BRPF3: variants seen among roughly 807,000 people sequenced by gnomAD.
The protein encoded by BRPF3 is bromodomain and PHD finger containing 3, also known as bromodomain and PHD finger-containing protein 3.
A neutral mutation model predicts 102.0 loss-of-function variants in BRPF3; 18 were observed. The observed-to-expected ratio is 0.18, with a 90% CI of 0.12 to 0.26. BRPF3 has a LOEUF of 0.26. Ranked by LOEUF, BRPF3 falls within the 10% of genes least tolerant of loss-of-function variation. The pLI, the probability that BRPF3 is intolerant of heterozygous loss-of-function variation, is 1.00. For synonymous variants in BRPF3, 570 were observed against 614.2 expected (o/e 0.93, Z 1.06); for missense variants, 1,147 against 1,567.8 (o/e 0.73, Z 4.53).
rs1388935385 is a variant in BRPF3, at chr6:36,201,717, A to G, written c.1395A>G (p.Gln465=). The G allele has an allele frequency of 3.1e-6, 5 of 1,613,672 alleles. No individual in the cohort carries two copies. The highest frequency in any genetic ancestry group is 4.2e-6 in the Non-Finnish European group (5 of 1,179,814). Residue 465 remains glutamine (Q), a synonymous_variant, in exon 2 of 13, where the codon CAA becomes CAG. Transcript: ENST00000357641. This position sits in a 1 kb window ranked among gnomAD's most constrained non-coding sequence, Gnocchi z 5.1. ...AGAAGGAGCCAGAGGAAGCAGGCCA[A>G]GACACACCCTCCACTCTCCCCATGC... is the stretch of plus-strand genomic sequence containing the variant. The part of the protein sequence containing the change: ...KIKKEPEEAG[Q]DTPSTLPMLA...
At position 36,213,986 on chromosome 6, in the gene BRPF3, T is replaced by C. The variant is rs970882572; in HGVS notation, c.2589T>C (p.Asn863=). Residue 863 remains asparagine, a synonymous_variant, in exon 8 of 13, where the codon AAT becomes AAC. Transcript: ENST00000357641. The part of the protein sequence containing the change: ...PPEPPTLKPI[N]DSKPPSRFLK... ...AGCCCCCTACTCTGAAACCCATTAA[T>C]GATAGCAAACCTCCAAGCAGGTTCC... 3 of 1,613,802 alleles carry C rather than the reference T, an allele frequency of 1.9e-6. No homozygotes were observed. In the African/African-American group the frequency reaches 4.0e-5, roughly 22 times the overall value.
chr6:36,224,785 G>GGTAAACTATGGCCT (rs1330576054), intron 10 of BRPF3, among the ~76,000 whole-genome samples: 2 of 152,118 alleles, frequency 1.3e-5, no homozygotes, highest in African/African-American at 4.8e-5. Flanking sequence ...TTCAGAGGTC[G>GGTAAACTATGGCCT]GTAAACTATG....
At chr6:36,226,895 CCAGCGGTGAAACCG>C (rs1411309247) in intron 11 of BRPF3, among the ~76,000 whole-genome samples, 1 of 152,238 alleles carries the variant, frequency 6.6e-6, no homozygotes, top group Non-Finnish European at 1.5e-5. Context: ...CTCTGCCCTG[CCAGCGGTGAAACCG>C]CAGGACTCCC....
rs1299739034 is a variant in BRPF3 at position 36,230,371 on chromosome 6, C to T, written c.3435-55C>T. On this transcript the variant is annotated intron_variant, in intron 12 of 12. Coordinates refer to ENST00000357641, the MANE Select transcript of BRPF3 (RefSeq NM_015695.3). This position sits in a 1 kb window ranked among gnomAD's most constrained non-coding sequence, Gnocchi z 5.4. ...CTGGCCAAGTGGGGCCACAGGAGCC[C>T]GAGCCCCCTGTGAGACCCACTACTG... The T allele has an allele frequency of 3.2e-5, 50 of 1,566,342 alleles. No individual in the cohort carries two copies. Among genetic ancestry groups the T allele is most frequent in the Non-Finnish European group, 3.8e-5 (43 of 1,144,642 alleles).
rs770218369 is a variant in BRPF3, at chr6:36,200,748, G to A, written c.426G>A (p.Glu142=). Residue 142 remains glutamate (E), a synonymous_variant, in exon 2 of 13, where the codon GAG becomes GAA. Transcript: ENST00000357641. The surrounding 1 kb of genome is among the most constrained non-coding windows in gnomAD (Gnocchi z 5.3). ...PLPAAYYRYI[E]KPPEDLDAEV... The stretch of plus-strand genomic sequence containing the variant: ...CTGCTGCCTACTACCGCTACATTGA[G>A]AAGCCACCTGAAGACCTGGATGCAG... 1.9e-6 allele frequency: 3 copies of A among 1,614,190 alleles called. No individual in the cohort carries two copies. The highest frequency in any genetic ancestry group is 2.2e-5 in the South Asian group (2 of 91,092).
At chr6:36,212,648 G>C (rs1291936072) in intron 7 of BRPF3, among the ~76,000 whole-genome samples, 1 of 151,924 alleles carries the variant, frequency 6.6e-6, no homozygotes, top group Non-Finnish European at 1.5e-5. Flanking sequence ...CTTTGGCTTG[G>C]AAGTCTCAAT....
At chr6:36,212,974 A>AT (rs1037889947) in intron 7 of BRPF3, among the ~76,000 whole-genome samples, 2 of 152,048 alleles carry the variant, frequency 1.3e-5, no homozygotes, top group African/African-American at 4.8e-5. Context: ...AAAAAAAAAA[A>AT]GTTTCAAGGT....
At position 36,228,534 on chromosome 6, in the gene BRPF3, G is replaced by A. The variant is rs534868001; in HGVS notation, c.3280-368G>A. Among the ~76,000 whole-genome samples, 35 of 152,290 alleles carry A rather than the reference G, an allele frequency of 2.3e-4. 1 individual carries two copies. The highest frequency in any genetic ancestry group is 2.2e-3 in the Admixed American group (34 of 15,306). On this transcript the variant is annotated intron_variant, in intron 11 of 12. Transcript: ENST00000357641. ...GGTGTCACAAATATATCTGGTCCAT[G>A]TATCAGGAAGGATTGTAGTCAGACA...
At position 36,200,628 on chromosome 6, in the gene BRPF3, C is replaced by G; in HGVS notation, c.306C>G (p.Ser102=). Residue 102 remains serine, a synonymous_variant, in exon 2 of 13, where the codon TCC becomes TCG. Transcript: ENST00000357641. This position sits in a 1 kb window ranked among gnomAD's most constrained non-coding sequence, Gnocchi z 5.3. ...KPSSKGKKKE[S]CSKHASGTSF... ...CATCCAAGGGCAAAAAGAAGGAATC[C>G]TGCTCCAAGCATGCATCTGGTACTT... 3.1e-6 allele frequency: 5 copies of G among 1,614,174 alleles called. No homozygotes were observed. The highest frequency in any genetic ancestry group is 4.2e-6 in the Non-Finnish European group (5 of 1,180,020).
chr6:36,224,922 G>T (rs908991579), intron 10 of BRPF3, among the ~76,000 whole-genome samples: 1 of 152,208 alleles, frequency 6.6e-6, no homozygotes, highest in East Asian at 1.9e-4. Context: ...TCAAATTTCA[G>T]TGTCCAAAAA....
chr6:36,212,136 TG>T (rs1490798672), intron 7 of BRPF3, among the ~76,000 whole-genome samples: 1 of 152,104 alleles, frequency 6.6e-6, no homozygotes, highest in East Asian at 1.9e-4. Context: ...CAGTTTTTCT[TG>T]ATCTTGAGAA....
At chr6:36,211,195 CTT>C in intron 6 of BRPF3, 61 bp from the exon 7 acceptor site, 1 of 1,523,674 alleles carries the variant, frequency 6.6e-7, no homozygotes, top group South Asian at 1.2e-5. Context: ...GATTCGGCCC[CTT>C]TCTCTTGCCC....
Position 36,230,035 on chromosome 6 carries a change from A to T in BRPF3, c.3435-391A>T, listed in dbSNP as rs1768882499. Among the ~76,000 whole-genome samples the T allele has an allele frequency of 6.6e-6, 1 of 152,236 alleles. No individual in the cohort carries two copies. The highest frequency in any genetic ancestry group is 2.4e-5 in the African/African-American group (1 of 41,464). On this transcript the variant is annotated intron_variant, in intron 12 of 12. Transcript: ENST00000357641. The surrounding 1 kb of genome is among the most constrained non-coding windows in gnomAD (Gnocchi z 5.4). Reference sequence around the variant, plus strand: ...GATGAGTTTATCAGTTCCTGGCATCAGCTCTACTTCCTAGCCATCGCCCCC... The same window carrying T: ...GATGAGTTTATCAGTTCCTGGCATCTGCTCTACTTCCTAGCCATCGCCCCC...
At chr6:36,208,417 G>T (rs1032512162) in intron 4 of BRPF3, among the ~76,000 whole-genome samples, 5 of 152,172 alleles carry the variant, frequency 3.3e-5, no homozygotes, top group Non-Finnish European at 7.3e-5. Flanking sequence ...AGGAGGATAG[G>T]TTGAGTCCAG....
intron 4 of BRPF3, among the ~76,000 whole-genome samples, chr6:36,208,910 G>T (rs554182770): frequency 6.6e-6 from 1 of 152,316 alleles, no homozygotes; most frequent in Admixed American, 6.5e-5. Flanking sequence ...CCACTTGCGG[G>T]GGCAAGCCTG....
At chr6:36,223,667 T>C (rs1768631304) in intron 10 of BRPF3, among the ~76,000 whole-genome samples, 1 of 152,242 alleles carries the variant, frequency 6.6e-6, no homozygotes, top group Non-Finnish European at 1.5e-5. Context: ...TCTCATATTA[T>C]TGGAACAGTG....
At position 36,228,992 on chromosome 6, in the gene BRPF3, C is replaced by G. The variant is rs1581996523; in HGVS notation, c.3370C>G (p.Gln1124Glu). ...GCTGGACGTGCTGAAGCTGGGAGAG[C>G]AGAAACAGGCAGAGGCTGGAGAGAA... ...PPLDVLKLGE[Q>E]KQAEAGEKLF... The change falls in exon 12 of 13, where the codon CAG becomes GAG. Residue 1124 changes from glutamine (Q) to glutamate (E), a missense_variant. Coordinates refer to ENST00000357641, the MANE Select transcript of BRPF3 (RefSeq NM_015695.3). 6.2e-7 allele frequency: 1 copy of G among 1,614,220 alleles called. No homozygotes were observed. The highest frequency in any genetic ancestry group is 8.5e-7 in the Non-Finnish European group (1 of 1,180,032).
At chr6:36,197,240 G>T (rs1328751268) in intron 1 of BRPF3, 2 of 108,170 alleles carry the variant, frequency 1.8e-5, no homozygotes, top group Non-Finnish European at 3.8e-5. Flanking sequence ...CCCCGCCCCC[G>T]CCACGCCTTC....
chr6:36,222,665 C>T (rs1768591790), intron 10 of BRPF3, among the ~76,000 whole-genome samples: 1 of 152,138 alleles, frequency 6.6e-6, no homozygotes, highest in South Asian at 2.1e-4. Context: ...GCACATGTTC[C>T]TCTAAACCAT....
Sources: allele counts gnomAD v4.1 joint callset (sites outside exome capture counted in the v4.1 genomes callset), GRCh38; gene constraint gnomAD v4.1.1; non-coding constraint Gnocchi (gnomAD v3.1); transcripts MANE v1.5; gene names NCBI Gene and HGNC (gene_info 2026-07-23, HGNC 2026-07-21).